NUBPL: variants seen among roughly 807,000 people sequenced by gnomAD.
NUBPL encodes iron-sulfur cluster transfer protein NUBPL.
NUBPL carries 31 observed loss-of-function variants against 45.7 expected under a neutral mutation model. The ratio of observed to expected loss-of-function variants is 0.68; its 90% CI spans 0.51 to 0.92. The LOEUF is 0.92. NUBPL is among the 40% of genes least tolerant of loss of function. The pLI is 0.00. For missense variants in NUBPL, 401 were observed against 398.7 expected (o/e 1.01, Z -0.05); for synonymous variants, 144 against 140.9 (o/e 1.02, Z -0.15).
intron 6 of NUBPL, among the ~76,000 whole-genome samples, chr14:31,768,454 G>C (rs2038951942): frequency 6.6e-6 from 1 of 152,182 alleles, no homozygotes; most frequent in Admixed American, 6.5e-5. Flanking sequence ...TTTTCTTAAA[G>C]TGCAGCATTG....
chr14:31,809,625 G>A (rs1216222880), intron 7 of NUBPL, among the ~76,000 whole-genome samples: 1 of 152,028 alleles, frequency 6.6e-6, no homozygotes, highest in East Asian at 1.9e-4. Context: ...CTTCAGTTCT[G>A]CTCTGATCTT....
At chr14:31,725,132 G>A (rs959231692) in intron 6 of NUBPL, among the ~76,000 whole-genome samples, 3 of 152,030 alleles carry the variant, frequency 2.0e-5, no homozygotes, top group Non-Finnish European at 2.9e-5. Context: ...GGATTACTTT[G>A]GTGGCTTGTG....
intron 7 of NUBPL, among the ~76,000 whole-genome samples, chr14:31,802,255 G>A (rs762499337): frequency 5.5e-5 from 8 of 145,894 alleles, no homozygotes; most frequent in East Asian, 2.1e-4. Context: ...CTTAGCACAC[G>A]ATTTACTTGC....
chr14:31,681,591 C>T (rs1222938015), intron 6 of NUBPL, among the ~76,000 whole-genome samples: 1 of 151,394 alleles, frequency 6.6e-6, no homozygotes, highest in African/African-American at 2.4e-5. Flanking sequence ...TCATTTGTAT[C>T]AGGCTAATAT....
At chr14:31,686,854 A>G (rs1362339292) in intron 6 of NUBPL, 1 of 152,256 alleles carries the variant, frequency 6.6e-6, no homozygotes, top group Non-Finnish European at 1.5e-5. Context: ...TGTGGCTCAC[A>G]CCTGTAATCC....
rs544462868 is a variant in NUBPL at position 31,602,106 on chromosome 14, G to A, written c.382+2727G>A. On this transcript the variant is annotated intron_variant, in intron 4 of 10. Coordinates refer to ENST00000281081, the MANE Select transcript of NUBPL (RefSeq NM_025152.3). ...TCTTTGTAGGGACATGGATGAAACT[G>A]GAAATCATCATTCTCAGTAAACTAT... Among the ~76,000 whole-genome samples, 37 of 152,210 alleles carry A rather than the reference G, an allele frequency of 2.4e-4. 1 individual carries two copies. In the South Asian group the frequency reaches 4.1e-3, roughly 17 times the overall value.
At chr14:31,834,979 A>T (rs1343711010) in intron 8 of NUBPL, among the ~76,000 whole-genome samples, 1 of 152,142 alleles carries the variant, frequency 6.6e-6, no homozygotes, top group Non-Finnish European at 1.5e-5. Context: ...AGGGTTCTTC[A>T]TCAAATTTGC....
chr14:31,859,138 T>C lies in NUBPL; in HGVS notation c.918T>C (p.Ile306=). The change falls in exon 11 of 11, where the codon ATT becomes ATC. Residue 306 remains isoleucine (I), a synonymous_variant. Coordinates refer to ENST00000281081, the MANE Select transcript of NUBPL (RefSeq NM_025152.3). The stretch of plus-strand genomic sequence containing the variant: ...TCCAGGCCAAAGCTTACTTGAGGAT[T>C]GCTGTGGAAGTGGTAAGAAGATTGC... The part of the protein sequence containing the change: ...ESDEAKAYLR[I]AVEVVRRLPS... 6.2e-7 allele frequency: 1 copy of C among 1,613,972 alleles called. No homozygotes were observed. Among genetic ancestry groups the C allele is most frequent in the East Asian group, 2.2e-5 (1 of 44,816 alleles).
chr14:31,791,704 G>T (rs1474888241), intron 7 of NUBPL, among the ~76,000 whole-genome samples: 2 of 152,088 alleles, frequency 1.3e-5, no homozygotes, highest in African/African-American at 4.8e-5. Flanking sequence ...CCCAGGCTAT[G>T]GGGTTTCAAA....
chr14:31,691,304 C>A (rs930969810), intron 6 of NUBPL, among the ~76,000 whole-genome samples: 6 of 152,172 alleles, frequency 3.9e-5, no homozygotes, highest in Non-Finnish European at 5.9e-5. Flanking sequence ...ATAACATTTT[C>A]TTTTCTCTAG....
intron 4 of NUBPL, among the ~76,000 whole-genome samples, chr14:31,624,794 A>T (rs986041537): frequency 1.3e-5 from 2 of 152,090 alleles, no homozygotes; most frequent in Non-Finnish European, 2.9e-5. Context: ...TGAACTCCTG[A>T]CCTCAAGTGA....
At chr14:31,768,815 G>GAAACA (rs2038958660) in intron 6 of NUBPL, among the ~76,000 whole-genome samples, 3 of 152,160 alleles carry the variant, frequency 2.0e-5, no homozygotes, top group African/African-American at 7.2e-5. Flanking sequence ...CTGGTACCAA[G>GAAACA]CATTGCTTTC....
At chr14:31,749,984 G>A (rs1217448231) in intron 6 of NUBPL, among the ~76,000 whole-genome samples, 1 of 151,994 alleles carries the variant, frequency 6.6e-6, no homozygotes, top group Non-Finnish European at 1.5e-5. Context: ...CTATTCTATT[G>A]TTGAAGCTAT....
chr14:31,742,277 C>CACACACAT (rs998724714), intron 6 of NUBPL, among the ~76,000 whole-genome samples: 3 of 149,264 alleles, frequency 2.0e-5, no homozygotes, highest in African/African-American at 7.4e-5. Flanking sequence ...CACACACACA[C>CACACACAT]ACATCTTCCT....
chr14:31,768,511 C>A (rs1473217065), intron 6 of NUBPL, among the ~76,000 whole-genome samples: 1 of 152,100 alleles, frequency 6.6e-6, no homozygotes, highest in African/African-American at 2.4e-5. Flanking sequence ...AGAAGAAAAC[C>A]TCTGGTGCTT....
chr14:31,721,917 C>T (rs1006087492), intron 6 of NUBPL, among the ~76,000 whole-genome samples: 4 of 152,166 alleles, frequency 2.6e-5, no homozygotes, highest in Non-Finnish European at 5.9e-5. Flanking sequence ...TGGCCTCTAG[C>T]TCCATCCACG....
chr14:31,701,923 A>T (rs2037349053), intron 6 of NUBPL, among the ~76,000 whole-genome samples: 1 of 152,222 alleles, frequency 6.6e-6, no homozygotes, highest in Admixed American at 6.5e-5. Flanking sequence ...TTTAGAGAGA[A>T]CCCTTTGCAA....
chr14:31,644,295 A>G (rs1464609591), intron 4 of NUBPL, among the ~76,000 whole-genome samples: 2 of 152,006 alleles, frequency 1.3e-5, no homozygotes, highest in African/African-American at 4.8e-5. Context: ...TTATTGCTAT[A>G]GACTTCCATC....
intron 6 of NUBPL, among the ~76,000 whole-genome samples, chr14:31,742,232 T>TTG (rs1258000921): frequency 1.1e-3 from 132 of 122,866 alleles, no homozygotes; most frequent in Non-Finnish European, 1.5e-3. Context: ...ATTTTAACTA[T>TTG]TGTGTACACA....
Sources: gnomAD v4.1 joint callset for allele counts (sites outside exome capture counted in the v4.1 genomes callset) on GRCh38, gnomAD v4.1.1 for gene constraint, MANE v1.5 for transcripts, NCBI Gene and HGNC (gene_info 2026-07-23, HGNC 2026-07-21) for gene names.